Variants in OR11H4 observed in about 807,000 individuals in gnomAD.
OR11H4 encodes olfactory receptor family 11 subfamily H member 4.
For missense variants in OR11H4, 460 were observed against 371.1 expected (o/e 1.24, Z -1.97); for synonymous variants, 162 against 142.3 (o/e 1.14, Z -0.98).
In OR11H4 at chr14:20,239,652, C is replaced by G. The variant is rs144086027; in HGVS notation, c.-12+321C>G. Among the ~76,000 whole-genome samples, 594 of 151,844 alleles carry G rather than the reference C, an allele frequency of 3.9e-3. 6 individuals carry two copies. The highest frequency in any genetic ancestry group is 0.014 in the African/African-American group (574 of 41,396). ...GAGCTTGCAGTGAGCCGAGATCGCG[C>G]CACTGCACTCCAGCCTCGGCGACAG... is the stretch of plus-strand genomic sequence containing the variant. On this transcript the variant is annotated intron_variant, in intron 1 of 1. Coordinates refer to ENST00000641082, the MANE Select transcript of OR11H4 (RefSeq NM_001004479.2).
At chr14:20,239,431 A>AT (rs1036061289) in intron 1 of OR11H4, 100 bp downstream of exon 1, 17 of 152,480 alleles carry the variant, frequency 1.1e-4, no homozygotes, top group African/African-American at 4.1e-4. Context: ...GCGGTGGCTC[A>AT]TGCCTGTAAT....
chr14:20,242,373 C>T (rs559499301), intron 1 of OR11H4, among the ~76,000 whole-genome samples: 10 of 152,246 alleles, frequency 6.6e-5, no homozygotes, highest in South Asian at 4.2e-4. Context: ...GCCCTAGATC[C>T]CTTAAACCTG....
At chr14:20,242,649 T>C (rs944820631) in intron 1 of OR11H4, 162 bp from the exon 2 acceptor site, 3 of 740,244 alleles carry the variant, frequency 4.1e-6, no homozygotes, top group Non-Finnish European at 6.5e-6. Flanking sequence ...CACAATCAAT[T>C]CAAAATTTGG....
intron 1 of OR11H4, among the ~76,000 whole-genome samples, chr14:20,240,580 T>G (rs1455290215): frequency 1.4e-5 from 1 of 73,608 alleles, no homozygotes; most frequent in African/African-American, 7.1e-5. Flanking sequence ...AACTACCTTC[T>G]TTTTTTTTTT....
chr14:20,239,581 C>G (rs1464452422), intron 1 of OR11H4, among the ~76,000 whole-genome samples: 1 of 151,984 alleles, frequency 6.6e-6, no homozygotes, highest in African/African-American at 2.4e-5. Context: ...ATAGTCCCAG[C>G]TACTCAGGAG....
At chr14:20,242,036 A>T (rs1028570264) in intron 1 of OR11H4, among the ~76,000 whole-genome samples, 1 of 151,996 alleles carries the variant, frequency 6.6e-6, no homozygotes, top group African/African-American at 2.4e-5. Flanking sequence ...TTATACCTAG[A>T]CATTCAGTTC....
In OR11H4 at chr14:20,242,936, T is replaced by G. The variant is rs922011035; in HGVS notation, c.115T>G (p.Leu39Val). 1.2e-6 allele frequency: 2 copies of G among 1,614,040 alleles called. No homozygotes were observed. Among genetic ancestry groups the G allele is most frequent in the African/African-American group, 2.7e-5 (2 of 74,900 alleles). Residue 39 changes from leucine (L) to valine (V), a missense_variant, in exon 2 of 2, where the codon TTG becomes GTG. By Grantham distance (32) the Leu-to-Val change is conservative. Coordinates refer to ENST00000641082, the MANE Select transcript of OR11H4 (RefSeq NM_001004479.2). Reference protein sequence around the residue: ...SLFLVIYVLTLLGNGAIIYAV... With the variant: ...SLFLVIYVLTVLGNGAIIYAV... The stretch of plus-strand genomic sequence containing the variant: ...GTTTTTGGTGATTTATGTCTTGACC[T>G]TGCTGGGAAATGGAGCCATCATCTA...
chr14:20,241,619 G>A (rs1018568049), intron 1 of OR11H4, among the ~76,000 whole-genome samples: 1 of 152,174 alleles, frequency 6.6e-6, no homozygotes, highest in Non-Finnish European at 1.5e-5. Flanking sequence ...GAGAGACTGA[G>A]AAAAGAAATA....
intron 1 of OR11H4, among the ~76,000 whole-genome samples, chr14:20,239,631 T>C (rs1880873030): frequency 2.6e-5 from 4 of 151,752 alleles, no homozygotes. Context: ...GAGGTGGAGC[T>C]TGCAGTGAGC....
Position 20,242,903 on chromosome 14 carries a change from T to C in OR11H4, c.82T>C (p.Phe28Leu), listed in dbSNP as rs767053455. The change falls in exon 2 of 2, where the codon TTC (phenylalanine) becomes CTC (leucine). Residue 28 changes from phenylalanine to leucine, a missense_variant. Physicochemically the swap from Phe to Leu is conservative, Grantham distance 22. Transcript: ENST00000641082. The part of the protein sequence containing the change: ...PGCWKIQIFL[F>L]SLFLVIYVLT... ...TTGCTGGAAGATTCAGATTTTCCTC[T>C]TCTCATTGTTTTTGGTGATTTATGT... 38 of 1,614,054 alleles carry C rather than the reference T, an allele frequency of 2.4e-5. No individual in the cohort carries two copies. The highest frequency in any genetic ancestry group is 1.3e-4 in the Admixed American group (8 of 60,006).
rs377618121 is a variant in OR11H4 at position 20,241,513 on chromosome 14, GA to G, written c.-11-1294del. Among the ~76,000 whole-genome samples, 1,166 of 152,214 alleles carry G rather than the reference GA, an allele frequency of 7.7e-3. 11 individuals carry two copies. Among genetic ancestry groups the G allele is most frequent in the Non-Finnish European group, 0.011 (739 of 68,020 alleles). On this transcript the variant is annotated intron_variant, in intron 1 of 1. Transcript: ENST00000641082. ...GAAAAGGTCTTCTCAAGCATCCAAG[GA>G]AAAGAAAGAAAATAAATTTGTCTGG...
chr14:20,243,120 A>G lies in OR11H4; in HGVS notation c.299A>G (p.Gln100Arg). Residue 100 changes from glutamine to arginine, a missense_variant, in exon 2 of 2, where the codon CAG (glutamine) becomes CGG (arginine). Physicochemically the swap from Gln to Arg is conservative, Grantham distance 43 (BLOSUM62 1). Coordinates refer to ENST00000641082, the MANE Select transcript of OR11H4 (RefSeq NM_001004479.2). Reference sequence around the variant, plus strand: ...ATCTCATTTTCTGGGTGCTTCCTCCAGTTCTATTTCTTCTTTTCACTGGGA... The same window carrying G: ...ATCTCATTTTCTGGGTGCTTCCTCCGGTTCTATTTCTTCTTTTCACTGGGA... ...KAISFSGCFLQFYFFFSLGTT... is the reference protein window; with the variant it reads ...KAISFSGCFLRFYFFFSLGTT... 2 of 1,614,092 alleles carry G rather than the reference A, an allele frequency of 1.2e-6. No individual in the cohort carries two copies. The highest frequency in any genetic ancestry group is 1.7e-6 in the Non-Finnish European group (2 of 1,180,022).
chr14:20,240,367 T>C (rs533388012), intron 1 of OR11H4, among the ~76,000 whole-genome samples: 65 of 152,268 alleles, frequency 4.3e-4, no homozygotes, highest in Non-Finnish European at 7.9e-4. Context: ...AAATTTCCCT[T>C]TTTATGCATC....
chr14:20,242,762 A>T, intron 1 of OR11H4, 49 bp from the exon 2 acceptor site: 4 of 1,583,874 alleles, frequency 2.5e-6, no homozygotes, highest in Non-Finnish European at 3.4e-6. Context: ...AAGCAATTGG[A>T]TTACACTCCA....
chr14:20,243,191 C>T lies in OR11H4; in HGVS notation c.370C>T (p.Leu124=), dbSNP rs1329845814. 5 of 1,614,164 alleles carry T rather than the reference C, an allele frequency of 3.1e-6. No individual in the cohort carries two copies. Among genetic ancestry groups the T allele is most frequent in the African/African-American group, 1.3e-5 (1 of 75,026 alleles). Reference sequence around the variant, plus strand: ...GGCAGTAATGGCTTATGATCGATACCTGGCCATCTGCCACCCACTGCAGTA... The same window carrying T: ...GGCAGTAATGGCTTATGATCGATACTTGGCCATCTGCCACCCACTGCAGTA... The part of the protein sequence containing the change: ...FLAVMAYDRY[L]AICHPLQYPA... The change falls in exon 2 of 2, where the codon CTG becomes TTG. Residue 124 remains leucine, a synonymous_variant. Transcript: ENST00000641082.
rs1341719027 is a variant in OR11H4, at chr14:20,244,075, G to A, written c.*309G>A. The stretch of plus-strand genomic sequence containing the variant: ...TATATCTTCTTCCTCATTGCAACAA[G>A]ACAATAAACCCAACTTTGTTCAACT... On this transcript the variant is annotated 3_prime_UTR_variant, in exon 2 of 2. Transcript: ENST00000641082. 5 of 216,050 alleles carry A rather than the reference G, an allele frequency of 2.3e-5. No individual in the cohort carries two copies. Among genetic ancestry groups the A allele is most frequent in the Non-Finnish European group, 4.6e-5 (5 of 109,472 alleles). The allele number at this position is 216,050 out of a possible 1,614,324, so 13.4% of individuals were successfully genotyped here. A position where few individuals can be genotyped will look rare whatever the true frequency, so the allele number is the denominator to read the frequency against.
Position 20,243,335 on chromosome 14 carries a change from AAT to A in OR11H4, c.517_518del (p.Ile173HisfsTer2). The A allele has an allele frequency of 6.2e-7, 1 of 1,613,792 alleles. No individual in the cohort carries two copies. Among genetic ancestry groups the A allele is most frequent in the Non-Finnish European group, 8.5e-7 (1 of 1,179,722 alleles). On this transcript the variant is annotated frameshift_variant, in exon 2 of 2. Coordinates refer to ENST00000641082, the MANE Select transcript of OR11H4 (RefSeq NM_001004479.2). LOFTEE classifies it low-confidence loss of function (END_TRUNC). Reference sequence around the variant, plus strand: ...CTCCCAACTCCCCTTCTGTGGTCCTAATATCATTGATCACTTCCTGTGTGACA... The same window carrying A: ...CTCCCAACTCCCCTTCTGTGGTCCTAATCATTGATCACTTCCTGTGTGACA... ...YISQLPFCGPNIIDHFLCDMD... is the reference protein window; with the variant it reads ...YISQLPFCGPXIIDHFLCDMD...
intron 1 of OR11H4, among the ~76,000 whole-genome samples, chr14:20,240,504 G>C (rs1312576503): frequency 6.6e-6 from 1 of 151,328 alleles, no homozygotes; most frequent in East Asian, 1.9e-4. Context: ...TTCTGACAAA[G>C]TTATGACTGG....
intron 1 of OR11H4, among the ~76,000 whole-genome samples, chr14:20,242,225 C>T (rs374595869): frequency 1.7e-3 from 253 of 152,240 alleles, no homozygotes; most frequent in African/African-American, 5.8e-3. Flanking sequence ...TCAGACAATA[C>T]CCTGCTTTCA....
Sources: gnomAD v4.1 joint callset for allele counts (sites outside exome capture counted in the v4.1 genomes callset) on GRCh38, gnomAD v4.1.1 for gene constraint, MANE v1.5 for transcripts, NCBI Gene and HGNC (gene_info 2026-07-23, HGNC 2026-07-21) for gene names.